TENM2: variants seen among roughly 807,000 people sequenced by gnomAD.
TENM2 encodes teneurin transmembrane protein 2, also known as teneurin-2.
A neutral mutation model predicts 245.2 loss-of-function variants in TENM2; 52 were observed. That is an observed-to-expected ratio of 0.21 (90% CI 0.17 to 0.27). The LOEUF (loss-of-function observed/expected upper bound fraction) is 0.27. TENM2 is among the 10% of genes least tolerant of loss of function. The pLI is 1.00. For missense variants in TENM2, 3,046 were observed against 3,666.8 expected (o/e 0.83, Z 4.37); for synonymous variants, 1,363 against 1,438.9 (o/e 0.95, Z 1.19).
At chr5:168,259,894 A>T (rs1360869994) in intron 27 of TENM2, among the ~76,000 whole-genome samples, 3 of 152,108 alleles carry the variant, frequency 2.0e-5, no homozygotes, top group Admixed American at 6.5e-5. Flanking sequence ...TTTTATGTGG[A>T]TTTTCTCCTT....
intron 2 of TENM2, among the ~76,000 whole-genome samples, chr5:167,873,626 G>T (rs191476002): frequency 1.7e-3 from 252 of 152,322 alleles, no homozygotes; most frequent in African/African-American, 5.8e-3. Flanking sequence ...AGCACAGCGA[G>T]TGGCAGATAG....
At chr5:167,776,161 C>CACACACACA (rs1554115636) in intron 2 of TENM2, among the ~76,000 whole-genome samples, 5 of 133,110 alleles carry the variant, frequency 3.8e-5, no homozygotes, top group African/African-American at 8.8e-5. Flanking sequence ...AAAAAAAAAT[C>CACACACACA]CACACACACA....
At chr5:167,857,645 C>G (rs1771215667) in intron 2 of TENM2, among the ~76,000 whole-genome samples, 1 of 151,830 alleles carries the variant, frequency 6.6e-6, no homozygotes, top group South Asian at 2.1e-4. Context: ...TGAGAAAACC[C>G]AATATTTCAA....
the TENM2 span, among the ~76,000 whole-genome samples, chr5:167,178,925 A>G: frequency 6.6e-6 from 1 of 152,174 alleles, no homozygotes; most frequent in Non-Finnish European, 1.5e-5. Context: ...CATTGTTAGC[A>G]TATATTTTTA....
intron 2 of TENM2, among the ~76,000 whole-genome samples, chr5:167,431,970 T>TGTGTATATATATATATATATAC (rs1554150945): frequency 0.12 from 16,483 of 134,622 alleles, 1,761 homozygotes; most frequent in Middle Eastern, 0.17. Context: ...TGTATATATA[T>TGTGTATATATATATATATATAC]ATATATATGG....
intron 1 of TENM2, among the ~76,000 whole-genome samples, chr5:167,339,310 G>T (rs1757961539): frequency 6.6e-6 from 1 of 152,162 alleles, no homozygotes; most frequent in South Asian, 2.1e-4. Context: ...CCAAAAGGAA[G>T]AAATGATAAA....
intron 2 of TENM2, among the ~76,000 whole-genome samples, chr5:167,582,945 G>A (rs917307313): frequency 3.9e-5 from 6 of 152,120 alleles, no homozygotes; most frequent in African/African-American, 1.4e-4. Flanking sequence ...CCTGATGTTG[G>A]AAAATGTATT....
intron 2 of TENM2, among the ~76,000 whole-genome samples, chr5:167,716,006 G>A (rs1401591753): frequency 1.3e-5 from 2 of 152,306 alleles, no homozygotes; most frequent in East Asian, 3.9e-4. Flanking sequence ...TCTGAAAGTG[G>A]TGGAGTTTGG....
At chr5:167,905,812 G>T (rs1197530153) in intron 3 of TENM2, among the ~76,000 whole-genome samples, 1 of 152,074 alleles carries the variant, frequency 6.6e-6, no homozygotes, top group South Asian at 2.1e-4. Context: ...CAATAGAGGT[G>T]TCACAATGAA....
intron 2 of TENM2, among the ~76,000 whole-genome samples, chr5:167,624,122 C>T (rs1010854342): frequency 6.6e-6 from 1 of 152,132 alleles, no homozygotes; most frequent in Non-Finnish European, 1.5e-5. Context: ...TACCTGCACT[C>T]ATATATTTAT....
At chr5:167,968,829 C>T (rs1781565223) in intron 4 of TENM2, among the ~76,000 whole-genome samples, 1 of 152,160 alleles carries the variant, frequency 6.6e-6, no homozygotes, top group African/African-American at 2.4e-5. Flanking sequence ...TACTCTCCCC[C>T]ATCCCCACTC....
At chr5:167,191,939 T>C in the TENM2 span, among the ~76,000 whole-genome samples, 1 of 152,088 alleles carries the variant, frequency 6.6e-6, no homozygotes. Context: ...CTTGCTGGTA[T>C]ACTGACATGT....
At chr5:167,046,864 C>G in the TENM2 span, among the ~76,000 whole-genome samples, 1 of 151,566 alleles carries the variant, frequency 6.6e-6, no homozygotes, top group African/African-American at 2.4e-5. Flanking sequence ...TAGCCCCCCA[C>G]CCCCCGACAG....
the TENM2 span, among the ~76,000 whole-genome samples, chr5:167,049,126 C>T: frequency 6.6e-6 from 1 of 152,150 alleles, no homozygotes; most frequent in African/African-American, 2.4e-5. Context: ...AGCTATAGGG[C>T]TATCATGCGA....
intron 7 of TENM2, among the ~76,000 whole-genome samples, chr5:168,067,534 A>G (rs1177825752): frequency 6.6e-6 from 1 of 152,202 alleles, no homozygotes; most frequent in African/African-American, 2.4e-5. Flanking sequence ...GATGGTGATT[A>G]GTGGTATTAG....
the TENM2 span, among the ~76,000 whole-genome samples, chr5:167,019,627 T>A: frequency 6.6e-6 from 1 of 152,012 alleles, no homozygotes; most frequent in Admixed American, 6.5e-5. Context: ...TGCCCCACCA[T>A]GCCAGCTAAT....
chr5:167,778,302 G>A (rs1763949023), intron 2 of TENM2, among the ~76,000 whole-genome samples: 1 of 152,182 alleles, frequency 6.6e-6, no homozygotes, highest in Non-Finnish European at 1.5e-5. Flanking sequence ...TCTGAAAGAA[G>A]AAAAAGTTTG....
exon 11 of TENM2, chr5:168,125,000 C>T (rs376917142): frequency 1.9e-5 from 31 of 1,610,806 alleles, no homozygotes; most frequent in South Asian, 1.2e-4. Flanking sequence ...CTGCCTGACA[C>T]GGGCCTCTGC....
chr5:167,957,552 T>C (rs1780658326), intron 4 of TENM2, among the ~76,000 whole-genome samples: 2 of 152,222 alleles, frequency 1.3e-5, no homozygotes, highest in Admixed American at 1.3e-4. Context: ...TCTAGTTCTT[T>C]GAATTGTGAT....
Sources: allele counts gnomAD v4.1 joint callset (sites outside exome capture counted in the v4.1 genomes callset), GRCh38; gene constraint gnomAD v4.1.1; transcripts MANE v1.5; gene names NCBI Gene and HGNC (gene_info 2026-07-23, HGNC 2026-07-21).